The following GABPA variants were observed in gnomAD, a reference collection of about 807,000 sequenced individuals.
GABPA encodes GA-binding protein alpha chain.
GABPA carries 4 observed loss-of-function variants against 59.4 expected under a neutral mutation model. The ratio of observed to expected loss-of-function variants is 0.07; its 90% confidence interval spans 0.03 to 0.15. The LOEUF (loss-of-function observed/expected upper bound fraction) is 0.15, where lower values mean the gene tolerates loss of function less well. Ranked by LOEUF, GABPA falls within the 10% of genes least tolerant of loss-of-function variation. The pLI is 1.00. For synonymous variants in GABPA, 164 were observed against 183.1 expected (o/e 0.90, Z 0.84); for missense variants, 251 against 543.8 (o/e 0.46, Z 5.36).
At chr21:25,738,650 C>T (rs2035141290) in intron 1 of GABPA, among the ~76,000 whole-genome samples, 1 of 152,160 alleles carries the variant, frequency 6.6e-6, no homozygotes, top group Non-Finnish European at 1.5e-5. Context: ...ATGTGTAGTT[C>T]ATTTTATATG....
intron 9 of GABPA, among the ~76,000 whole-genome samples, chr21:25,767,225 G>A (rs2146104422): frequency 6.6e-6 from 1 of 152,062 alleles, no homozygotes; most frequent in Admixed American, 6.6e-5. Flanking sequence ...TCTAGATGCT[G>A]GCAGTGTTCT....
intron 6 of GABPA, among the ~76,000 whole-genome samples, chr21:25,760,864 C>CTT (rs67754726): frequency 1.4e-5 from 2 of 147,802 alleles, no homozygotes; most frequent in East Asian, 2.0e-4. Flanking sequence ...CTTTCAAAAA[C>CTT]TTTTTTTTTT....
Position 25,770,980 on chromosome 21 carries a change from C to T in GABPA, c.*1748C>T, listed in dbSNP as rs1163500396. Reference sequence around the variant, plus strand: ...GGACAGATTATTAGTACAATTTGGGCACTGTGGTTTTAAGAATATCTGAGT... The same window carrying T: ...GGACAGATTATTAGTACAATTTGGGTACTGTGGTTTTAAGAATATCTGAGT... On this transcript the variant is annotated 3_prime_UTR_variant, in exon 10 of 10. Transcript: ENST00000400075. The T allele has an allele frequency of 6.6e-6, 1 of 151,922 alleles. No individual in the cohort carries two copies. The highest frequency in any genetic ancestry group is 1.5e-5 in the Non-Finnish European group (1 of 67,880). 9.4% of individuals were successfully genotyped at this position (151,922 alleles called of 1,614,324 possible).
chr21:25,758,520 T>C (rs1013305915), intron 6 of GABPA, among the ~76,000 whole-genome samples: 15 of 152,198 alleles, frequency 9.9e-5, no homozygotes, highest in African/African-American at 3.6e-4. Flanking sequence ...TTAAATCAGA[T>C]GCTGTGCCCT....
At chr21:25,767,928 T>C (rs1035802205) in intron 9 of GABPA, among the ~76,000 whole-genome samples, 2 of 152,148 alleles carry the variant, frequency 1.3e-5, no homozygotes, top group Non-Finnish European at 2.9e-5. Flanking sequence ...AAGTGACTTT[T>C]ATCCTGCTAA....
At position 25,768,971 on chromosome 21, in the gene GABPA, T is replaced by C. The variant is rs1421377406; in HGVS notation, c.1137-33T>C. 2.1e-6 allele frequency: 3 copies of C among 1,459,672 alleles called. No homozygotes were observed. The East Asian group carries it at 6.8e-5, about 33-fold the overall frequency. The allele number at this position is 1,459,672 out of a possible 1,614,324, so 90.4% of individuals were successfully genotyped here. ...TTATTGTAAGAAGTCTCATTTTTTC[T>C]GAAGTCTCTAATTTTTTTTTCTCTT... On this transcript the variant is annotated intron_variant, in intron 9 of 9. Coordinates refer to ENST00000400075, the MANE Select transcript of GABPA (RefSeq NM_002040.4).
intron 6 of GABPA, among the ~76,000 whole-genome samples, chr21:25,761,468 A>G (rs752981574): frequency 1.3e-5 from 2 of 151,754 alleles, no homozygotes; most frequent in South Asian, 2.1e-4. Flanking sequence ...TACTTCCCCA[A>G]CCTTTTCCAG....
chr21:25,763,308 C>T lies in GABPA; in HGVS notation c.803-902C>T, dbSNP rs772045299. 3.9e-5 allele frequency: 13 copies of T among 335,490 alleles called. 1 individual carries two copies. The highest frequency in any genetic ancestry group is 3.5e-4 in the South Asian group (11 of 31,016). 20.8% of individuals were successfully genotyped at this position (335,490 alleles called of 1,614,324 possible). On this transcript the variant is annotated intron_variant, in intron 7 of 9. Transcript: ENST00000400075. ...CTTTTCAGCATGCATCTTTCTTTTC[C>T]GCTTATGCCATAAGCTTTTAGCTAT...
intron 9 of GABPA, 98 bp downstream of exon 9, chr21:25,764,885 A>G: frequency 1.3e-6 from 1 of 797,648 alleles, no homozygotes; most frequent in Non-Finnish European, 1.8e-6. Context: ...ATGTAATGAT[A>G]TTAAAAACTT....
intron 1 of GABPA, 65 bp from the exon 2 acceptor site, chr21:25,741,508 A>C: frequency 1.3e-6 from 1 of 772,766 alleles, no homozygotes; most frequent in Non-Finnish European, 2.0e-6. Context: ...TTGGGTCTCT[A>C]CTTCTTGTGT....
chr21:25,762,423 G>T (rs1245598248), intron 7 of GABPA, 58 bp downstream of exon 7: 2 of 1,217,568 alleles, frequency 1.6e-6, no homozygotes, highest in East Asian at 4.9e-5. Flanking sequence ...ATTTGATACC[G>T]CAAGGTAATA....
intron 9 of GABPA, among the ~76,000 whole-genome samples, chr21:25,766,556 A>G (rs1292250180): frequency 2.6e-5 from 4 of 151,984 alleles, no homozygotes; most frequent in African/African-American, 9.7e-5. Context: ...ACCTCAGGCT[A>G]GAGATTATCC....
chr21:25,762,488 C>G lies in GABPA; in HGVS notation c.802+123C>G, dbSNP rs543624298. On this transcript the variant is annotated intron_variant, in intron 7 of 9. Transcript: ENST00000400075. ...TTCTACACACAAAATATCTTTTGTT[C>G]TGTGGAATGAAAGCTCGACACAAGT... is the stretch of plus-strand genomic sequence containing the variant. 38 of 625,608 alleles carry G rather than the reference C, an allele frequency of 6.1e-5. No individual in the cohort carries two copies. In the African/African-American group the frequency reaches 7.2e-4, roughly 12 times the overall value. 38.8% of individuals were successfully genotyped at this position (625,608 alleles called of 1,614,324 possible).
At chr21:25,764,910 CT>C (rs1330756392) in intron 9 of GABPA, 123 bp downstream of exon 9, 1 of 628,438 alleles carries the variant, frequency 1.6e-6, no homozygotes, top group Non-Finnish European at 2.4e-6. Context: ...ATGTTTTTTT[CT>C]TTACATATTA....
intron 3 of GABPA, among the ~76,000 whole-genome samples, chr21:25,745,585 T>C (rs867005794): frequency 4.3e-4 from 65 of 152,354 alleles, no homozygotes; most frequent in African/African-American, 1.4e-3. Flanking sequence ...TGTTTTTTAC[T>C]TTCACAAATA....
At chr21:25,754,618 T>TA (rs35738828) in intron 5 of GABPA, among the ~76,000 whole-genome samples, 1,993 of 129,940 alleles carry the variant, frequency 0.015, 16 homozygotes, top group South Asian at 0.027. Context: ...TGATTATATA[T>TA]TTTTTTTTAA....
intron 6 of GABPA, among the ~76,000 whole-genome samples, chr21:25,759,740 C>T (rs944677191): frequency 1.3e-5 from 2 of 151,994 alleles, no homozygotes; most frequent in Non-Finnish European, 2.9e-5. Context: ...AGATTTCCTT[C>T]CCTGCAGAGG....
Position 25,735,249 on chromosome 21 carries a change from A to G in GABPA, c.-356A>G. 1.1e-5 allele frequency: 6 copies of G among 546,230 alleles called. No individual in the cohort carries two copies. In the South Asian group the frequency reaches 1.3e-4, roughly 12 times the overall value. 33.8% of individuals were successfully genotyped at this position (546,230 alleles called of 1,614,324 possible). ...CTGTTCGTTAGGGTTATCGAAGTGT[A>G]TAAAGGTGCAGGGAAAGTGAGACTG... On this transcript the variant is annotated 5_prime_UTR_variant, in exon 1 of 10. Transcript: ENST00000400075.
In GABPA at chr21:25,735,230, G is replaced by C; in HGVS notation, c.-375G>C. On this transcript the variant is annotated 5_prime_UTR_variant, in exon 1 of 10. Coordinates refer to ENST00000400075, the MANE Select transcript of GABPA (RefSeq NM_002040.4). ...TCCCCTCCGAGTCAGCGTCCTGTTC[G>C]TTAGGGTTATCGAAGTGTATAAAGG... 1.2e-5 allele frequency: 7 copies of C among 581,394 alleles called. No individual in the cohort carries two copies. The highest frequency in any genetic ancestry group is 1.9e-5 in the Non-Finnish European group (6 of 323,330). The allele number at this position is 581,394 out of a possible 1,614,324, so 36.0% of individuals were successfully genotyped here. A position where few individuals can be genotyped will look rare whatever the true frequency, so the allele number is the denominator to read the frequency against.
Sources: allele counts gnomAD v4.1 joint callset (sites outside exome capture counted in the v4.1 genomes callset), GRCh38; gene constraint gnomAD v4.1.1; transcripts MANE v1.5; gene names NCBI Gene and HGNC (gene_info 2026-07-23, HGNC 2026-07-21).